The following EHHADH variants were observed in gnomAD, a reference collection of about 807,000 sequenced individuals.
EHHADH encodes the protein enoyl-CoA hydratase and 3-hydroxyacyl CoA dehydrogenase, also known as peroxisomal bifunctional enzyme.
Under a neutral mutation model 64.4 loss-of-function variants are expected in EHHADH, and 48 were observed. That is an observed-to-expected ratio of 0.75 (90% CI 0.59 to 0.95). The LOEUF is 0.95. Ranked by LOEUF, EHHADH falls within the 40% of genes least tolerant of loss-of-function variation. EHHADH has a pLI of 0.00. For missense variants in EHHADH, 854 were observed against 876.6 expected, an observed-to-expected ratio of 0.97 and a Z score of 0.33; for synonymous variants, 308 against 326.7, an observed-to-expected ratio of 0.94 and a Z score of 0.62.
chr3:185,250,486 G>C (rs542256758), intron 1 of EHHADH, among the ~76,000 whole-genome samples: 2 of 86,040 alleles, frequency 2.3e-5, no homozygotes, highest in East Asian at 4.6e-4. Context: ...CAAGTGGTGA[G>C]GAACTGCTTA....
At chr3:185,234,349 A>G (rs1023773974) in intron 3 of EHHADH, among the ~76,000 whole-genome samples, 1 of 152,206 alleles carries the variant, frequency 6.6e-6, no homozygotes, top group East Asian at 1.9e-4. Context: ...GAAATCTTTG[A>G]GTTATCAAAG....
Position 185,193,276 on chromosome 3 carries a change from AC to A in EHHADH, c.1121del (p.Gly374ValfsTer2). The A allele has an allele frequency of 6.2e-7, 1 of 1,603,890 alleles. No individual in the cohort carries two copies. On this transcript the variant is annotated frameshift_variant, in exon 7 of 7. Coordinates refer to ENST00000231887, the MANE Select transcript of EHHADH (RefSeq NM_001966.4). LOFTEE classifies it high-confidence loss of function. ...RLTSSVKELGGVDLVIEAVFE... is the reference protein window; with the variant it reads ...RLTSSVKELGXVDLVIEAVFE... ...ATACTGCTTCAATGACTAAATCTAC[AC>A]CACCAAGCTCCTTCACAGATGAAGT...
At chr3:185,246,093 G>A (rs1719586952) in intron 2 of EHHADH, 4 of 1,286,726 alleles carry the variant, frequency 3.1e-6, no homozygotes, top group Admixed American at 1.7e-5. Flanking sequence ...CAAGCATAAT[G>A]TCAAGGTCAT....
rs1422599850 is a variant in EHHADH at position 185,190,777 on chromosome 3, CA to C, written c.*1448del. The C allele has an allele frequency of 6.6e-6, 1 of 152,142 alleles. No homozygotes were observed. Among genetic ancestry groups the C allele is most frequent in the Non-Finnish European group, 1.5e-5 (1 of 68,012 alleles). 9.4% of individuals were successfully genotyped at this position (152,142 alleles called of 1,614,324 possible). A position where few individuals can be genotyped will look rare whatever the true frequency, so the allele number is the denominator to read the frequency against. On this transcript the variant is annotated 3_prime_UTR_variant, in exon 7 of 7. Coordinates refer to ENST00000231887, the MANE Select transcript of EHHADH (RefSeq NM_001966.4). ...TGTTGGTTTTTTGTTTGCTTTTTAA[CA>C]ACGGAAAACTTATACTCCATTCAAG...
At chr3:185,213,102 G>A (rs1322946316) in intron 5 of EHHADH, among the ~76,000 whole-genome samples, 1 of 75,052 alleles carries the variant, frequency 1.3e-5, no homozygotes, top group East Asian at 4.9e-4. Flanking sequence ...CCTGGGTGAA[G>A]AAGCAAGACT....
At position 185,191,843 on chromosome 3, in the gene EHHADH, T is replaced by C. The variant is rs1029149583; in HGVS notation, c.*383A>G. 4.4e-6 allele frequency: 1 copy of C among 225,070 alleles called. No individual in the cohort carries two copies. The highest frequency in any genetic ancestry group is 8.8e-6 in the Non-Finnish European group (1 of 113,254). The allele number at this position is 225,070 out of a possible 1,614,324, so 13.9% of individuals were successfully genotyped here. A position where few individuals can be genotyped will look rare whatever the true frequency, so the allele number is the denominator to read the frequency against. On this transcript the variant is annotated 3_prime_UTR_variant, in exon 7 of 7. Coordinates refer to ENST00000231887, the MANE Select transcript of EHHADH (RefSeq NM_001966.4). ...TATGATTCATAAGATTTCTGATCAA[T>C]ACTATGTGTGTGACATTGAAAGGAG...
intron 2 of EHHADH, among the ~76,000 whole-genome samples, chr3:185,240,413 CA>C (rs1187348948): frequency 6.6e-6 from 1 of 151,040 alleles, no homozygotes; most frequent in Non-Finnish European, 1.5e-5. Context: ...TTTTTTTGGT[CA>C]AAAAATTTTT....
intron 6 of EHHADH, among the ~76,000 whole-genome samples, chr3:185,198,329 G>A (rs879413999): frequency 2.0e-5 from 3 of 151,354 alleles, no homozygotes; most frequent in Non-Finnish European, 2.9e-5. Flanking sequence ...AGCGATTCTC[G>A]TGCCTCAGCC....
chr3:185,190,943 C>T lies in EHHADH; in HGVS notation c.*1283G>A, dbSNP rs1717846393. 7 of 152,276 alleles carry T rather than the reference C, an allele frequency of 4.6e-5. No individual in the cohort carries two copies. In the South Asian group the frequency reaches 1.5e-3, roughly 32 times the overall value. The allele number at this position is 152,276 out of a possible 1,614,324, so 9.4% of individuals were successfully genotyped here. On this transcript the variant is annotated 3_prime_UTR_variant, in exon 7 of 7. Transcript: ENST00000231887. ...ACTTTATTGAGATATAATTCACATACCATATAATTCACCCACTTAAAATAT... is the reference window on the plus strand; with the variant it reads ...ACTTTATTGAGATATAATTCACATATCATATAATTCACCCACTTAAAATAT...
rs777322705 is a variant in EHHADH at position 185,204,745 on chromosome 3, T to C, written c.581A>G (p.Glu194Gly). 6.2e-7 allele frequency: 1 copy of C among 1,604,354 alleles called. No homozygotes were observed. Among genetic ancestry groups the C allele is most frequent in the Admixed American group, 1.7e-5 (1 of 59,464 alleles). The part of the protein sequence containing the change: ...FAQRVSDQPL[E>G]SRRLCNKPIQ... ...TGGCTTGTTGCAGAGTCTACGGGAT[T>C]CTAGAGGTTGATCTGAAAGGAATAA... The change falls in exon 6 of 7, where the codon GAA becomes GGA. Residue 194 changes from glutamate (E) to glycine (G), a missense_variant. By Grantham distance (98) the Glu-to-Gly change is moderately conservative. Transcript: ENST00000231887.
chr3:185,192,601 G>GA lies in EHHADH; in HGVS notation c.1796dup (p.Leu600ProfsTer5). On this transcript the variant is annotated frameshift_variant, in exon 7 of 7. Transcript: ENST00000231887. LOFTEE classifies it high-confidence loss of function. ...GATGGGTTTTTCTATACCGTGATAG[G>GA]AATTTGGAAAGCCAGGGATCAGGTT... The GA allele has an allele frequency of 6.2e-7, 1 of 1,614,168 alleles. No individual in the cohort carries two copies. The highest frequency in any genetic ancestry group is 1.1e-5 in the South Asian group (1 of 91,084).
chr3:185,237,745 A>G (rs1719336463), intron 2 of EHHADH, among the ~76,000 whole-genome samples: 1 of 152,192 alleles, frequency 6.6e-6, no homozygotes, highest in African/African-American at 2.4e-5. Context: ...TTCACAGTAC[A>G]CTAAGATTAT....
intron 4 of EHHADH, among the ~76,000 whole-genome samples, chr3:185,225,244 G>A (rs1178766923): frequency 1.3e-5 from 2 of 152,040 alleles, no homozygotes; most frequent in Admixed American, 1.3e-4. Flanking sequence ...CCCAAATGAA[G>A]CTCTTGTGAT....
chr3:185,225,309 T>A (rs1283585871), intron 4 of EHHADH, among the ~76,000 whole-genome samples: 1 of 152,104 alleles, frequency 6.6e-6, no homozygotes, highest in African/African-American at 2.4e-5. Flanking sequence ...GATGGCACCA[T>A]CCTTCCAGCT....
chr3:185,218,114 A>G, intron 5 of EHHADH, 22 bp downstream of exon 5: 7 of 1,547,940 alleles, frequency 4.5e-6, no homozygotes, highest in Non-Finnish European at 6.2e-6. Flanking sequence ...GTCTTTGGCT[A>G]TTTTTATTAT....
At chr3:185,209,034 A>C (rs1296439104) in intron 5 of EHHADH, among the ~76,000 whole-genome samples, 1 of 152,190 alleles carries the variant, frequency 6.6e-6, no homozygotes, top group African/African-American at 2.4e-5. Context: ...TGTGAGTAGG[A>C]GTTAGTGTTA....
In EHHADH at chr3:185,192,839, C is replaced by T; in HGVS notation, c.1559G>A (p.Arg520Lys). The T allele has an allele frequency of 1.2e-6, 2 of 1,614,162 alleles. No individual in the cohort carries two copies. Among genetic ancestry groups the T allele is most frequent in the Non-Finnish European group, 1.7e-6 (2 of 1,180,032 alleles). ...ATCCAACCCAGCAAGATCAGACACT[C>T]TAAAAGGTCCCATTTTAAAACCAAA... is the stretch of plus-strand genomic sequence containing the variant. ...EEFGFKMGPF[R>K]VSDLAGLDVG... Residue 520 changes from arginine (R) to lysine (K), a missense_variant, in exon 7 of 7, where the codon AGA becomes AAA. Arg to Lys is a conservative substitution (Grantham distance 26). Transcript: ENST00000231887.
In EHHADH at chr3:185,193,305, A is replaced by C. The variant is rs140461295; in HGVS notation, c.1093T>G (p.Leu365Val). 1,040 of 1,610,120 alleles carry C rather than the reference A, an allele frequency of 6.5e-4. 1 individual carries two copies. Among genetic ancestry groups the C allele is most frequent in the South Asian group, 2.2e-3 (202 of 90,350 alleles). The change falls in exon 7 of 7, where the codon TTA (leucine) becomes GTA (valine). Residue 365 changes from leucine (L) to valine (V), a missense_variant. Leu to Val is a conservative substitution (Grantham distance 32). Transcript: ENST00000231887. ...CCAAGCTCCTTCACAGATGAAGTTA[A>C]CCTGGGTTTTGGTCCTGACCAAGGG... ...GHPWSGPKPRLTSSVKELGGV... is the reference protein window; with the variant it reads ...GHPWSGPKPRVTSSVKELGGV...
At position 185,235,261 on chromosome 3, in the gene EHHADH, C is replaced by T. The variant is rs750904818; in HGVS notation, c.351+29G>A. Reference sequence around the variant, plus strand: ...TGCCCTAAAGAAAAGCCCCACACACCAGCCACTATATAGAGCCTTGGTTGT... The same window carrying T: ...TGCCCTAAAGAAAAGCCCCACACACTAGCCACTATATAGAGCCTTGGTTGT... On this transcript the variant is annotated intron_variant, in intron 3 of 6. Coordinates refer to ENST00000231887, the MANE Select transcript of EHHADH (RefSeq NM_001966.4). 1.5e-5 allele frequency: 23 copies of T among 1,561,800 alleles called. 1 individual carries two copies. The South Asian group carries it at 1.7e-4, about 11-fold the overall frequency.
Sources: allele counts gnomAD v4.1 joint callset (sites outside exome capture counted in the v4.1 genomes callset), GRCh38; gene constraint gnomAD v4.1.1; transcripts MANE v1.5; gene names NCBI Gene and HGNC (gene_info 2026-07-23, HGNC 2026-07-21).